ZFAT: variants seen among roughly 807,000 people sequenced by gnomAD.
ZFAT encodes the protein zinc finger and AT-hook domain containing.
ZFAT carries 64 observed loss-of-function variants against 117.7 expected under a neutral mutation model. The ratio of observed to expected loss-of-function variants is 0.54; its 90% CI spans 0.44 to 0.67. The LOEUF is 0.67. Among genes scored for constraint, ZFAT ranks in the 30% least tolerant of loss-of-function variants. The probability of loss-of-function intolerance (pLI) is 0.00; values close to 1 mark genes in which losing one functional copy is unlikely to be tolerated. For synonymous variants in ZFAT, 679 were observed against 615.0 expected (o/e 1.10, Z -1.54); for missense variants, 1,433 against 1,584.5 (o/e 0.90, Z 1.62).
chr8:134,751,838 C>G, the ZFAT span, among the ~76,000 whole-genome samples: 1 of 152,198 alleles, frequency 6.6e-6, no homozygotes, highest in African/African-American at 2.4e-5. Context: ...CCTAACCCAA[C>G]TCTTTCCAGA....
chr8:134,618,121 T>C (rs1456478428), intron 3 of ZFAT, among the ~76,000 whole-genome samples: 2 of 152,150 alleles, frequency 1.3e-5, no homozygotes, highest in African/African-American at 2.4e-5. Context: ...ATAAGTCCAA[T>C]TGAACCTCTT....
intron 7 of ZFAT, chr8:134,594,723 T>C (rs896943725): frequency 3.9e-5 from 6 of 152,172 alleles, no homozygotes; most frequent in Non-Finnish European, 5.9e-5. Flanking sequence ...GTGGGTCCTG[T>C]TGTCTTCATT....
At chr8:134,610,882 C>T (rs1029819414) in intron 3 of ZFAT, among the ~76,000 whole-genome samples, 2 of 152,222 alleles carry the variant, frequency 1.3e-5, no homozygotes, top group Non-Finnish European at 2.9e-5. Context: ...AGGCCCTGGG[C>T]GTACACTGTT....
chr8:134,737,589 A>G, the ZFAT span, among the ~76,000 whole-genome samples: 1 of 152,234 alleles, frequency 6.6e-6, no homozygotes, highest in Non-Finnish European at 1.5e-5. Context: ...TTTGATTCTC[A>G]GGACACATCT....
At chr8:134,817,445 CTTATTGA>C in the ZFAT span, among the ~76,000 whole-genome samples, 2 of 128,692 alleles carry the variant, frequency 1.6e-5, no homozygotes, top group Non-Finnish European at 3.4e-5. Flanking sequence ...ACAACGCACC[CTTATTGA>C]TTGTTTCTCT....
the ZFAT span, among the ~76,000 whole-genome samples, chr8:134,768,282 T>C: frequency 4.5e-4 from 68 of 152,328 alleles, 1 homozygote; most frequent in South Asian, 3.1e-3. Flanking sequence ...TGATCTTTGA[T>C]GTTACTACAG....
chr8:134,666,822 T>G (rs1411219642), intron 1 of ZFAT, among the ~76,000 whole-genome samples: 1 of 151,640 alleles, frequency 6.6e-6, no homozygotes, highest in East Asian at 1.9e-4. Flanking sequence ...AAAAAGAGAG[T>G]AGAAGTGGGA....
At chr8:134,568,882 GCTTTCTATCAAGAGA>G (rs1824671257) in intron 10 of ZFAT, among the ~76,000 whole-genome samples, 1 of 152,132 alleles carries the variant, frequency 6.6e-6, no homozygotes, top group Non-Finnish European at 1.5e-5. Flanking sequence ...CCATCAGATG[GCTTTCTATCAAGAGA>G]CTTCTGAGAC....
chr8:134,695,174 G>T (rs924046082), intron 1 of ZFAT, among the ~76,000 whole-genome samples: 1 of 152,094 alleles, frequency 6.6e-6, no homozygotes, highest in African/African-American at 2.4e-5. Flanking sequence ...CAGACCCAGG[G>T]CAAGGGGGTT....
At chr8:134,795,973 G>A in the ZFAT span, 1 of 152,100 alleles carries the variant, frequency 6.6e-6, no homozygotes, top group African/African-American at 2.4e-5. Context: ...ACGTAATGAA[G>A]CCTCCACAGA....
chr8:134,805,155 G>A, the ZFAT span, among the ~76,000 whole-genome samples: 5 of 152,100 alleles, frequency 3.3e-5, no homozygotes, highest in East Asian at 1.9e-4. Flanking sequence ...AAGAAAATAC[G>A]CATTACAAAT....
At chr8:134,627,279 G>A (rs1216121378) in intron 3 of ZFAT, among the ~76,000 whole-genome samples, 1 of 152,216 alleles carries the variant, frequency 6.6e-6, no homozygotes, top group Non-Finnish European at 1.5e-5. Flanking sequence ...TAGAGGTGAT[G>A]ACAGTGGACC....
Position 134,712,734 on chromosome 8 carries a change from CGGCCG to C in ZFAT, c.19+106_19+110del, listed in dbSNP as rs1257892017. Reference sequence around the variant, plus strand: ...GGATCCCTCCGCGGCCGGCGGCCGGCGGCCGGCGGCCGGCGCACTGCTTCCCGACT... The same window carrying C: ...GGATCCCTCCGCGGCCGGCGGCCGGCGCGGCCGGCGCACTGCTTCCCGACT... On this transcript the variant is annotated intron_variant, in intron 1 of 15. Coordinates refer to ENST00000377838, the MANE Select transcript of ZFAT (RefSeq NM_020863.4). 440 of 1,080,922 alleles carry C rather than the reference CGGCCG, an allele frequency of 4.1e-4. 4 individuals carry two copies. The Middle Eastern group carries it at 4.8e-3, about 12-fold the overall frequency. 67.0% of individuals were successfully genotyped at this position (1,080,922 alleles called of 1,614,324 possible).
chr8:134,661,618 G>A (rs1054956526), intron 1 of ZFAT, among the ~76,000 whole-genome samples: 1 of 152,208 alleles, frequency 6.6e-6, no homozygotes, highest in African/African-American at 2.4e-5. Context: ...GAGTACATTG[G>A]CCCAAGACGG....
At chr8:134,555,964 G>T (rs1823564757) in intron 11 of ZFAT, among the ~76,000 whole-genome samples, 1 of 131,828 alleles carries the variant, frequency 7.6e-6, no homozygotes, top group African/African-American at 2.8e-5. Flanking sequence ...AGGAAGGAGG[G>T]AAGGAGGGAG....
chr8:134,532,708 A>G (rs973621910), intron 12 of ZFAT, 126 bp downstream of exon 12: 6 of 1,276,302 alleles, frequency 4.7e-6, no homozygotes, highest in Non-Finnish European at 6.4e-6. Context: ...AGGACGATGA[A>G]GAATGAACAT....
chr8:134,675,735 A>G (rs1044728275), intron 1 of ZFAT, among the ~76,000 whole-genome samples: 2 of 152,246 alleles, frequency 1.3e-5, no homozygotes, highest in African/African-American at 4.8e-5. Flanking sequence ...TCTGACTAAC[A>G]GCGGATCTCT....
the ZFAT span, among the ~76,000 whole-genome samples, chr8:134,817,667 C>G: frequency 6.6e-6 from 1 of 152,066 alleles, no homozygotes; most frequent in African/African-American, 2.4e-5. Context: ...ATCAAAACGT[C>G]AAGCAAGCTT....
chr8:134,690,919 GAC>G (rs1833553947), intron 1 of ZFAT, among the ~76,000 whole-genome samples: 2 of 152,178 alleles, frequency 1.3e-5, no homozygotes, highest in African/African-American at 4.8e-5. Context: ...AAATGAGGAA[GAC>G]ACAGACTCTC....
Sources: allele counts gnomAD v4.1 joint callset (sites outside exome capture counted in the v4.1 genomes callset), GRCh38; gene constraint gnomAD v4.1.1; transcripts MANE v1.5; gene names NCBI Gene and HGNC (gene_info 2026-07-23, HGNC 2026-07-21).